Variants in RASA3 observed in about 807,000 individuals in gnomAD.
The protein encoded by RASA3 is RAS p21 protein activator 3.
Under a neutral mutation model 110.0 loss-of-function variants are expected in RASA3, and 73 were observed. The ratio of observed to expected loss-of-function variants is 0.66; its 90% CI spans 0.55 to 0.81. The LOEUF is 0.81. RASA3 is among the 30% of genes least tolerant of loss of function. RASA3 has a pLI of 0.00. For missense variants in RASA3, 976 were observed against 1,113.2 expected (o/e 0.88, Z 1.75); for synonymous variants, 500 against 451.4 (o/e 1.11, Z -1.37).
intron 7 of RASA3, among the ~76,000 whole-genome samples, chr13:114,025,730 T>C (rs1251388798): frequency 6.6e-6 from 1 of 152,254 alleles, no homozygotes; most frequent in Non-Finnish European, 1.5e-5. Context: ...AGGGTCTTAA[T>C]GTGTCTAGTT....
At chr13:114,105,283 T>C (rs1162455189) in intron 1 of RASA3, among the ~76,000 whole-genome samples, 1 of 151,990 alleles carries the variant, frequency 6.6e-6, no homozygotes, top group Admixed American at 6.5e-5. Context: ...GCCAGCCCTC[T>C]GAGATGCCAG....
At chr13:114,013,594 C>CT (rs1491266848) in intron 14 of RASA3, among the ~76,000 whole-genome samples, 6 of 94,384 alleles carry the variant, frequency 6.4e-5, no homozygotes, top group African/African-American at 2.0e-4. Context: ...CTCTCTCTCT[C>CT]CGTCTCTGGC....
chr13:114,040,363 G>A (rs1412024674), intron 4 of RASA3, among the ~76,000 whole-genome samples: 4 of 61,340 alleles, frequency 6.5e-5, no homozygotes, highest in African/African-American at 2.1e-4. Context: ...CAGAGACCGC[G>A]CTCACTCCGA....
At chr13:114,012,695 ACTC>A (rs1488728098) in intron 15 of RASA3, among the ~76,000 whole-genome samples, 11 of 69,908 alleles carry the variant, frequency 1.6e-4, no homozygotes, top group Admixed American at 9.7e-4. Context: ...CACTCCACAC[ACTC>A]CTCATTCCAC....
At chr13:114,041,991 C>T (rs955951624) in intron 3 of RASA3, among the ~76,000 whole-genome samples, 2 of 152,366 alleles carry the variant, frequency 1.3e-5, no homozygotes, top group South Asian at 2.1e-4. Context: ...AACAGTTTCC[C>T]GTGCCTTAAA....
chr13:114,076,613 A>G (rs2139681613), intron 1 of RASA3, among the ~76,000 whole-genome samples: 1 of 152,012 alleles, frequency 6.6e-6, no homozygotes, highest in East Asian at 1.9e-4. Flanking sequence ...AGGGTGTGTG[A>G]TGAGTTCACA....
At chr13:114,013,764 CTCTG>C (rs2053709203) in intron 14 of RASA3, among the ~76,000 whole-genome samples, 3 of 148,080 alleles carry the variant, frequency 2.0e-5, no homozygotes, top group Non-Finnish European at 4.5e-5. Context: ...CTCTCCATCT[CTCTG>C]TCTCTCTCCC....
intron 10 of RASA3, 40 bp from the exon 11 acceptor site, chr13:114,018,292 C>G: frequency 2.6e-6 from 4 of 1,535,160 alleles, no homozygotes; most frequent in Non-Finnish European, 1.8e-6. Context: ...GCCCGGGGTG[C>G]AGGAACCCCA....
intron 1 of RASA3, among the ~76,000 whole-genome samples, chr13:114,118,672 G>C (rs1021531198): frequency 6.6e-6 from 1 of 152,254 alleles, no homozygotes; most frequent in Non-Finnish European, 1.5e-5. Context: ...CTAAAATCTG[G>C]ACTAGCGTCT....
chr13:114,052,216 G>C (rs2079157530), intron 2 of RASA3, 61 bp from the exon 3 acceptor site: 1 of 1,139,258 alleles, frequency 8.8e-7, no homozygotes, highest in Non-Finnish European at 1.3e-6. Flanking sequence ...TCACCCCCGG[G>C]GCACACACGT....
In RASA3 at chr13:114,048,775, A is replaced by T. The variant is rs547314647; in HGVS notation, c.277+3277T>A. Among the ~76,000 whole-genome samples the T allele has an allele frequency of 6.6e-6, 1 of 151,072 alleles. No homozygotes were observed. The highest frequency in any genetic ancestry group is 1.5e-5 in the Non-Finnish European group (1 of 67,754). On this transcript the variant is annotated intron_variant, in intron 3 of 23. Coordinates refer to ENST00000334062, the MANE Select transcript of RASA3 (RefSeq NM_007368.4). This position sits in a 1 kb window ranked among gnomAD's most constrained non-coding sequence, Gnocchi z 4.3. ...CTGTGGGCCATGGACCCAGGGACAG[A>T]GGAGGCTACGGTCACGCCGCCCGGG...
Position 114,081,930 on chromosome 13 carries a change from C to G in RASA3, c.56-8093G>C, listed in dbSNP as rs554058259. 2.6e-5 allele frequency among the ~76,000 whole-genome samples: 4 copies of G among 152,330 alleles called. No individual in the cohort carries two copies. The South Asian group carries it at 8.3e-4, about 32-fold the overall frequency. On this transcript the variant is annotated intron_variant, in intron 1 of 23. Coordinates refer to ENST00000334062, the MANE Select transcript of RASA3 (RefSeq NM_007368.4). ...GGCTGTGACTCCTCTCCTGAGTCCA[C>G]ACACAGGACCTCACACCTGCACTCA... is the stretch of plus-strand genomic sequence containing the variant.
chr13:114,041,541 G>C (rs903697361), intron 3 of RASA3, among the ~76,000 whole-genome samples: 1 of 152,232 alleles, frequency 6.6e-6, no homozygotes, highest in Non-Finnish European at 1.5e-5. Context: ...GAGGTGCCTC[G>C]GAGCTGGCTG....
At chr13:113,995,048 G>A (rs1483259130) in intron 21 of RASA3, among the ~76,000 whole-genome samples, 1 of 152,240 alleles carries the variant, frequency 6.6e-6, no homozygotes, top group East Asian at 1.9e-4. Flanking sequence ...GATAGGGGAG[G>A]CTCCCGAGCT....
At position 114,073,896 on chromosome 13, in the gene RASA3, A is replaced by G. The variant is rs530787667; in HGVS notation, c.56-59T>C. Reference sequence around the variant, plus strand: ...CGTAGAAATGTTTGTTCCCTGCTACATCGCAGACACGTTTCCAGCCTTTGC... The same window carrying G: ...CGTAGAAATGTTTGTTCCCTGCTACGTCGCAGACACGTTTCCAGCCTTTGC... On this transcript the variant is annotated intron_variant, in intron 1 of 23. Transcript: ENST00000334062. 2.1e-5 allele frequency: 29 copies of G among 1,384,274 alleles called. 1 individual carries two copies. In the East Asian group the frequency reaches 4.1e-4, roughly 20 times the overall value. 85.7% of individuals were successfully genotyped at this position (1,384,274 alleles called of 1,614,324 possible). A position where few individuals can be genotyped will look rare whatever the true frequency, so the allele number is the denominator to read the frequency against.
intron 4 of RASA3, among the ~76,000 whole-genome samples, chr13:114,039,008 G>C (rs1015200094): frequency 3.9e-5 from 6 of 152,236 alleles, no homozygotes; most frequent in Admixed American, 6.5e-5. Flanking sequence ...AGGTGCCTTC[G>C]AGTGGCACAC....
At chr13:114,060,996 C>A (rs1475443195) in intron 2 of RASA3, among the ~76,000 whole-genome samples, 2 of 146,882 alleles carry the variant, frequency 1.4e-5, no homozygotes, top group Non-Finnish European at 3.0e-5. Flanking sequence ...CAGACGGAGC[C>A]CCCCACAGCC....
At chr13:114,090,698 G>A (rs1268535967) in intron 1 of RASA3, among the ~76,000 whole-genome samples, 3 of 152,230 alleles carry the variant, frequency 2.0e-5, no homozygotes, top group East Asian at 3.9e-4. Context: ...TGACGGGCAC[G>A]GGCGTCTCTG....
At chr13:113,981,975 TC>T in intron 22 of RASA3, 117 bp from the exon 23 acceptor site, 2 of 917,734 alleles carry the variant, frequency 2.2e-6, no homozygotes, top group Non-Finnish European at 3.2e-6. Context: ...CGCAAGCTCC[TC>T]CAGAAAGGGC....
Sources: allele counts gnomAD v4.1 joint callset (sites outside exome capture counted in the v4.1 genomes callset), GRCh38; gene constraint gnomAD v4.1.1; non-coding constraint Gnocchi (gnomAD v3.1); transcripts MANE v1.5; gene names NCBI Gene and HGNC (gene_info 2026-07-23, HGNC 2026-07-21).